Variants in SPTLC1 observed in about 807,000 individuals in gnomAD.
The protein encoded by SPTLC1 is serine palmitoyltransferase long chain base subunit 1, also known as serine palmitoyltransferase 1.
A neutral mutation model predicts 68.9 loss-of-function variants in SPTLC1; 55 were observed. The observed-to-expected ratio is 0.80, with a 90% CI of 0.64 to 1.00. The LOEUF is 1.00. SPTLC1 is among the 50% of genes least tolerant of loss of function. SPTLC1 has a pLI of 0.00. For missense variants in SPTLC1, 449 were observed against 573.1 expected, an observed-to-expected ratio of 0.78 and a Z score of 2.21; for synonymous variants, 197 against 201.6, an observed-to-expected ratio of 0.98 and a Z score of 0.19.
intron 3 of SPTLC1, 85 bp from the exon 4 acceptor site, chr9:92,081,048 T>TA: frequency 9.8e-7 from 1 of 1,023,060 alleles, no homozygotes; most frequent in Non-Finnish European, 1.5e-6. Context: ...CACAACAACA[T>TA]AGTGTTGTCA....
chr9:92,039,133 CA>C (rs149680253), intron 12 of SPTLC1, among the ~76,000 whole-genome samples: 1,567 of 152,164 alleles, frequency 0.01, 36 homozygotes, highest in African/African-American at 0.036. Context: ...GGTGACAGAG[CA>C]AAACTCTGTC....
At chr9:92,037,886 C>T (rs1833199627) in intron 13 of SPTLC1, among the ~76,000 whole-genome samples, 2 of 152,186 alleles carry the variant, frequency 1.3e-5, no homozygotes, top group South Asian at 4.1e-4. Context: ...CAATGCCTCC[C>T]CCAACTACAC....
intron 6 of SPTLC1, among the ~76,000 whole-genome samples, chr9:92,063,580 C>T (rs1006336874): frequency 2.0e-5 from 3 of 152,092 alleles, no homozygotes; most frequent in Non-Finnish European, 4.4e-5. Flanking sequence ...CAATCTCCCT[C>T]ATGAACACAG....
chr9:92,101,316 A>G (rs1835740615), intron 3 of SPTLC1, among the ~76,000 whole-genome samples: 2 of 151,944 alleles, frequency 1.3e-5, no homozygotes, highest in Admixed American at 1.3e-4. Flanking sequence ...TAATCCCAGC[A>G]CTTTGGAAGG....
At chr9:92,049,724 C>G (rs1202341715) in intron 9 of SPTLC1, among the ~76,000 whole-genome samples, 1 of 152,152 alleles carries the variant, frequency 6.6e-6, no homozygotes, top group East Asian at 1.9e-4. Flanking sequence ...ACTTTGCAAA[C>G]AGAGCACAAA....
At position 92,059,261 on chromosome 9, in the gene SPTLC1, C is replaced by A. The variant is rs778759719; in HGVS notation, c.608G>T (p.Arg203Leu). The A allele has an allele frequency of 6.2e-7, 1 of 1,613,994 alleles. No individual in the cohort carries two copies. The highest frequency in any genetic ancestry group is 8.5e-7 in the Non-Finnish European group (1 of 1,179,944). Residue 203 changes from arginine (R) to leucine (L), a missense_variant, in exon 7 of 15, where the codon CGT becomes CTT. Arg to Leu is a moderately radical substitution (Grantham distance 102). Coordinates refer to ENST00000262554, the MANE Select transcript of SPTLC1 (RefSeq NM_006415.4). ...ATGCTTAAATAACTTAATGTCACTA[C>A]GGGATGCCTGTAATCCTTTCTGAAT... ...FAIQKGLQAS[R>L]SDIKLFKHND...
intron 3 of SPTLC1, among the ~76,000 whole-genome samples, chr9:92,087,044 A>G (rs1225484499): frequency 2.0e-5 from 3 of 152,120 alleles, no homozygotes; most frequent in Non-Finnish European, 4.4e-5. Flanking sequence ...TCAGCTCCTG[A>G]GGCTTCTGCA....
intron 3 of SPTLC1, among the ~76,000 whole-genome samples, chr9:92,101,324 A>C (rs1835740872): frequency 6.6e-6 from 1 of 152,056 alleles, no homozygotes; most frequent in African/African-American, 2.4e-5. Flanking sequence ...GCACTTTGGA[A>C]GGCCGAGGTG....
At position 92,068,045 on chromosome 9, in the gene SPTLC1, C is replaced by A. The variant is rs752795774; in HGVS notation, c.481G>T (p.Ala161Ser). ...RLAKFMKTEE[A>S]IIYSYGFATI... ...GCAAATCCATATGAGTATATAATGG[C>A]TTCTTCTGTCTTCATAAATTTTGCC... The change falls in exon 6 of 15, where the codon GCC (alanine) becomes TCC (serine). Residue 161 changes from alanine to serine, a missense_variant. By Grantham distance (99) the Ala-to-Ser change is moderately conservative. This residue lies in a region of SPTLC1 where 391 missense variants were observed against 472.1 expected (regional missense o/e 0.83). Coordinates refer to ENST00000262554, the MANE Select transcript of SPTLC1 (RefSeq NM_006415.4). 6.2e-7 allele frequency: 1 copy of A among 1,613,996 alleles called. No individual in the cohort carries two copies. The highest frequency in any genetic ancestry group is 1.7e-5 in the Admixed American group (1 of 60,014).
chr9:92,062,852 T>A (rs984943368), intron 6 of SPTLC1, among the ~76,000 whole-genome samples: 6 of 152,052 alleles, frequency 3.9e-5, no homozygotes, highest in African/African-American at 1.4e-4. Context: ...ACACAACACA[T>A]CAAAATTTGT....
intron 3 of SPTLC1, chr9:92,104,592 A>T (rs1835886257): frequency 1.1e-5 from 17 of 1,483,368 alleles, no homozygotes; most frequent in Non-Finnish European, 1.5e-5. Flanking sequence ...GGCAAGTTTA[A>T]CCTTCAACTT....
chr9:92,104,836 C>T, intron 3 of SPTLC1: 1 of 1,527,002 alleles, frequency 6.5e-7, no homozygotes. Flanking sequence ...GAAATGTCCA[C>T]CTCAAGAGCT....
rs1239044841 is a variant in SPTLC1, at chr9:92,115,379, G to A, written c.-9C>T. 3 of 1,613,094 alleles carry A rather than the reference G, an allele frequency of 1.9e-6. No individual in the cohort carries two copies. The highest frequency in any genetic ancestry group is 1.1e-5 in the South Asian group (1 of 91,084). On this transcript the variant is annotated 5_prime_UTR_variant, in exon 1 of 15. Coordinates refer to ENST00000262554, the MANE Select transcript of SPTLC1 (RefSeq NM_006415.4). ...TCCGTGGCGGTCGCCATAGTTAGCC[G>A]CTTCCTTCCGGAAGGCGGGTCACAA...
At chr9:92,080,132 A>C in intron 4 of SPTLC1, 44 bp from the exon 5 acceptor site, 1 of 1,512,030 alleles carries the variant, frequency 6.6e-7, no homozygotes, top group Middle Eastern at 1.7e-4. Flanking sequence ...TTTATCTTTA[A>C]GAGTTCAAAA....
intron 5 of SPTLC1, chr9:92,079,417 C>G: frequency 6.4e-7 from 1 of 1,565,146 alleles, no homozygotes; most frequent in Non-Finnish European, 8.6e-7. Flanking sequence ...AAAGAATATA[C>G]ACTTAATAAA....
chr9:92,089,271 G>A (rs1276194261), intron 3 of SPTLC1, among the ~76,000 whole-genome samples: 1 of 152,110 alleles, frequency 6.6e-6, no homozygotes, highest in Non-Finnish European at 1.5e-5. Context: ...AAATAAGCTA[G>A]GCATGGTGGC....
intron 8 of SPTLC1, among the ~76,000 whole-genome samples, chr9:92,054,926 A>G (rs1833833412): frequency 6.6e-6 from 1 of 151,836 alleles, no homozygotes. Context: ...AGAAAAAAAA[A>G]GCTAAAGCTA....
intron 3 of SPTLC1, among the ~76,000 whole-genome samples, chr9:92,085,260 T>TA (rs1239711582): frequency 2.7e-5 from 4 of 148,762 alleles, no homozygotes; most frequent in Non-Finnish European, 1.5e-5. Flanking sequence ...GCTCTGATCT[T>TA]AGTTATTTCT....
chr9:92,036,402 T>C (rs1833143353), intron 13 of SPTLC1, among the ~76,000 whole-genome samples: 1 of 152,242 alleles, frequency 6.6e-6, no homozygotes, highest in Non-Finnish European at 1.5e-5. Context: ...TACAAAGCAG[T>C]AGTAAGACTT....
Sources: gnomAD v4.1 joint callset for allele counts (sites outside exome capture counted in the v4.1 genomes callset) on GRCh38, gnomAD v4.1.1 for gene constraint, gnomAD v4.1.1 regional missense constraint, MANE v1.5 for transcripts, NCBI Gene and HGNC (gene_info 2026-07-23, HGNC 2026-07-21) for gene names.